The following CFAP44 variants were observed in gnomAD, a reference collection of about 807,000 sequenced individuals.
CFAP44 encodes the protein cilia and flagella associated protein 44, also known as cilia- and flagella-associated protein 44.
Under a neutral mutation model 216.2 loss-of-function variants are expected in CFAP44, and 134 were observed. The observed-to-expected ratio is 0.62, with a 90% CI of 0.54 to 0.72. CFAP44 has a LOEUF of 0.72. CFAP44 is among the 30% of genes least tolerant of loss of function. CFAP44 has a pLI of 0.00. For missense variants in CFAP44, 2,035 were observed against 2,182.1 expected (o/e 0.93, Z 1.34); for synonymous variants, 700 against 727.6 (o/e 0.96, Z 0.61).
At chr3:113,302,633 C>A (rs899385098) in intron 32 of CFAP44, among the ~76,000 whole-genome samples, 3 of 150,442 alleles carry the variant, frequency 2.0e-5, no homozygotes, top group Non-Finnish European at 3.0e-5. Flanking sequence ...TGGTGGCAGG[C>A]GCCTGTAATC....
At chr3:113,328,696 T>TAAAAAAAAAAA (rs58650082) in intron 26 of CFAP44, among the ~76,000 whole-genome samples, 7 of 28,468 alleles carry the variant, frequency 2.5e-4, no homozygotes, top group Non-Finnish European at 3.7e-4. Context: ...TTAGAGAGCT[T>TAAAAAAAAAAA]AAAAAAAAAA....
intron 26 of CFAP44, among the ~76,000 whole-genome samples, chr3:113,328,364 C>A (rs1950206451): frequency 6.7e-6 from 1 of 150,194 alleles, no homozygotes; most frequent in African/African-American, 2.5e-5. Context: ...CCGAAGTATC[C>A]CAAGTCCTGG....
Position 113,366,292 on chromosome 3 carries a change from A to T in CFAP44, c.2462T>A (p.Met821Lys), listed in dbSNP as rs1316686891. 5.0e-6 allele frequency: 8 copies of T among 1,597,820 alleles called. No individual in the cohort carries two copies. Among genetic ancestry groups the T allele is most frequent in the Non-Finnish European group, 6.0e-6 (7 of 1,168,064 alleles). The part of the protein sequence containing the change: ...TITFNINKVM[M>K]FCGMKNGAIR... ...TGCTCCATTTTTCATTCCACAAAAC[A>T]TCATAACTTTGTTAATGCTACGAAA... The change falls in exon 19 of 35, where the codon ATG becomes AAG. Residue 821 changes from methionine to lysine, a missense_variant. This residue lies in a region of CFAP44 where 1,883 missense variants were observed against 2,023.7 expected (regional missense o/e 0.93). Coordinates refer to ENST00000393845, the MANE Select transcript of CFAP44 (RefSeq NM_001164496.2).
Position 113,420,157 on chromosome 3 carries a change from T to C in CFAP44, c.430A>G (p.Arg144Gly), listed in dbSNP as rs149477584. The C allele has an allele frequency of 2.6e-4, 414 of 1,613,404 alleles. No individual in the cohort carries two copies. Among genetic ancestry groups the C allele is most frequent in the Non-Finnish European group, 3.4e-4 (406 of 1,179,700 alleles). Residue 144 changes from arginine to glycine, a missense_variant, in exon 5 of 35, where the codon AGA becomes GGA. Coordinates refer to ENST00000393845, the MANE Select transcript of CFAP44 (RefSeq NM_001164496.2). ...AGAAGTTGTAGGTTGGCTCGCTTTC[T>C]ACAGTCATAACCAAAAGAATGTCTG... The part of the protein sequence containing the change: ...TLVHSFGYDC[R>G]KRANLQLLDD...
chr3:113,411,245 C>A (rs1375222194), intron 6 of CFAP44, among the ~76,000 whole-genome samples: 1 of 152,154 alleles, frequency 6.6e-6, no homozygotes, highest in South Asian at 2.1e-4. Flanking sequence ...AATGGTGTTG[C>A]CTAGGTTCTC....
At chr3:113,404,644 T>A (rs913049870) in intron 8 of CFAP44, among the ~76,000 whole-genome samples, 2 of 152,194 alleles carry the variant, frequency 1.3e-5, no homozygotes, top group African/African-American at 4.8e-5. Flanking sequence ...AAAAACCATA[T>A]GAACTAGGTA....
At chr3:113,314,368 G>A (rs1950068164) in intron 28 of CFAP44, among the ~76,000 whole-genome samples, 1 of 152,276 alleles carries the variant, frequency 6.6e-6, no homozygotes, top group South Asian at 2.1e-4. Context: ...GAAAGGAAAT[G>A]ACACAATGAT....
At chr3:113,425,600 T>C (rs919440712) in intron 4 of CFAP44, among the ~76,000 whole-genome samples, 2 of 152,220 alleles carry the variant, frequency 1.3e-5, no homozygotes, top group Admixed American at 6.5e-5. Context: ...GACACATAAG[T>C]GTTTCAAGAA....
At position 113,330,677 on chromosome 3, in the gene CFAP44, A is replaced by C; in HGVS notation, c.3616-9T>G. The C allele has an allele frequency of 6.6e-7, 1 of 1,524,278 alleles. No individual in the cohort carries two copies. Among genetic ancestry groups the C allele is most frequent in the South Asian group, 1.2e-5 (1 of 81,162 alleles). The allele number at this position is 1,524,278 out of a possible 1,614,324, so 94.4% of individuals were successfully genotyped here. On this transcript the variant is annotated splice_polypyrimidine_tract_variant and intron_variant, in intron 25 of 34. Coordinates refer to ENST00000393845, the MANE Select transcript of CFAP44 (RefSeq NM_001164496.2). The stretch of plus-strand genomic sequence containing the variant: ...CTTTTATTTCCATGGACCTGAAAAA[A>C]AGAAGAGGAAGGAAACAACAGTACA...
intron 28 of CFAP44, among the ~76,000 whole-genome samples, chr3:113,317,314 T>C (rs764624661): frequency 6.6e-6 from 1 of 152,186 alleles, no homozygotes; most frequent in Non-Finnish European, 1.5e-5. Context: ...AGAGCGGCCA[T>C]AGACACTCAT....
chr3:113,432,329 T>A (rs1031348943), intron 2 of CFAP44: 1 of 152,228 alleles, frequency 6.6e-6, no homozygotes, highest in African/African-American at 2.4e-5. Context: ...AGATATGCAC[T>A]ATTTAAAAAT....
At chr3:113,325,440 T>C (rs1355608182) in intron 28 of CFAP44, among the ~76,000 whole-genome samples, 1 of 152,000 alleles carries the variant, frequency 6.6e-6, no homozygotes, top group Non-Finnish European at 1.5e-5. Context: ...ATATTGTGCC[T>C]TTTTTATTTT....
chr3:113,423,105 C>CTTTTTT (rs72395986), intron 4 of CFAP44, among the ~76,000 whole-genome samples: 111 of 79,154 alleles, frequency 1.4e-3, no homozygotes, highest in African/African-American at 2.7e-3. Context: ...CTGATCCTTC[C>CTTTTTT]TTTTTTTTTT....
At position 113,401,639 on chromosome 3, in the gene CFAP44, T is replaced by C; in HGVS notation, c.1271A>G (p.Asn424Ser). Reference protein sequence around the residue: ...INELQVDKNVNLFSMIKMNET... With the variant: ...INELQVDKNVSLFSMIKMNET... ...ATTCATTTTTATCATAGAGAAGAGATTCACATTCTTGTCTACTTGAAGTTC... is the reference window on the plus strand; with the variant it reads ...ATTCATTTTTATCATAGAGAAGAGACTCACATTCTTGTCTACTTGAAGTTC... The change falls in exon 10 of 35, where the codon AAT becomes AGT. Residue 424 changes from asparagine (N) to serine (S), a missense_variant. Coordinates refer to ENST00000393845, the MANE Select transcript of CFAP44 (RefSeq NM_001164496.2). The C allele has an allele frequency of 6.2e-7, 1 of 1,613,506 alleles. No individual in the cohort carries two copies. Among genetic ancestry groups the C allele is most frequent in the East Asian group, 2.2e-5 (1 of 44,780 alleles).
At chr3:113,352,763 G>A (rs1362750053) in intron 22 of CFAP44, among the ~76,000 whole-genome samples, 3 of 152,156 alleles carry the variant, frequency 2.0e-5, no homozygotes, top group Non-Finnish European at 2.9e-5. Context: ...ACAGGCATAT[G>A]AAAGGAAATG....
At chr3:113,357,931 A>G (rs959235495) in intron 22 of CFAP44, among the ~76,000 whole-genome samples, 4 of 152,198 alleles carry the variant, frequency 2.6e-5, no homozygotes, top group African/African-American at 9.6e-5. Context: ...AAAAATAGAA[A>G]CAACTCAAAT....
At chr3:113,367,402 C>A (rs1337868507) in intron 18 of CFAP44, among the ~76,000 whole-genome samples, 2 of 152,170 alleles carry the variant, frequency 1.3e-5, no homozygotes, top group Non-Finnish European at 2.9e-5. Context: ...GCAATATTTG[C>A]CATTCTGCAG....
rs911818337 is a variant in CFAP44, at chr3:113,381,053, C to A, written c.1898G>T (p.Ser633Ile). 9.0e-6 allele frequency: 14 copies of A among 1,553,794 alleles called. No individual in the cohort carries two copies. Among genetic ancestry groups the A allele is most frequent in the Non-Finnish European group, 1.2e-5 (14 of 1,155,868 alleles). The change falls in exon 16 of 35, where the codon AGT (serine) becomes ATT (isoleucine). Residue 633 changes from serine to isoleucine, a missense_variant. Transcript: ENST00000393845. ...LMWSPMSHPE[S>I]TLLIICENGY... ...ATTTTCACAGATAATTAGTAAAGTA[C>A]TTTCAGGCTAAAAAAGAAAAATTGA...
At chr3:113,416,996 G>A (rs949434374) in intron 5 of CFAP44, among the ~76,000 whole-genome samples, 1 of 152,136 alleles carries the variant, frequency 6.6e-6, no homozygotes, top group Non-Finnish European at 1.5e-5. Flanking sequence ...GTCAGGCTGG[G>A]ACTCAAGAAT....
Sources: gnomAD v4.1 joint callset for allele counts (sites outside exome capture counted in the v4.1 genomes callset) on GRCh38, gnomAD v4.1.1 for gene constraint, gnomAD v4.1.1 regional missense constraint, MANE v1.5 for transcripts, NCBI Gene and HGNC (gene_info 2026-07-23, HGNC 2026-07-21) for gene names.